SCN1A: variants seen among roughly 807,000 people sequenced by gnomAD.
SCN1A encodes sodium voltage-gated channel alpha subunit 1.
SCN1A carries 13 observed loss-of-function variants against 193.7 expected under a neutral mutation model. The ratio of observed to expected loss-of-function variants is 0.07; its 90% CI spans 0.04 to 0.11. SCN1A has a LOEUF of 0.11. Ranked by LOEUF, SCN1A falls within the 10% of genes least tolerant of loss-of-function variation. SCN1A has a pLI of 1.00. For missense variants in SCN1A, 1,432 were observed against 2,451.1 expected (o/e 0.58, Z 8.78); for synonymous variants, 781 against 843.6 (o/e 0.93, Z 1.29).
intron 2 of SCN1A, among the ~76,000 whole-genome samples, chr2:166,123,030 GAGA>G (rs891797774): frequency 3.3e-5 from 5 of 151,866 alleles, no homozygotes; most frequent in African/African-American, 7.3e-5. Context: ...ACATTTTCTA[GAGA>G]AGAACTACAG....
chr2:166,013,271 G>A lies in SCN1A; in HGVS notation c.3705+473C>T, dbSNP rs538370067. ...GTTACCAACTTTCATTATTTCTTAA[G>A]TAGCACAAAAATAGTGAGCACACAA... On this transcript the variant is annotated intron_variant, in intron 21 of 28. Transcript: ENST00000674923. Among the ~76,000 whole-genome samples the A allele has an allele frequency of 1.6e-4, 25 of 151,586 alleles. 1 individual carries two copies. The East Asian group carries it at 4.6e-3, about 28-fold the overall frequency.
intron 1 of SCN1A, among the ~76,000 whole-genome samples, chr2:166,144,548 G>A (rs922598771): frequency 7.3e-5 from 11 of 151,534 alleles, no homozygotes; most frequent in South Asian, 4.1e-4. Flanking sequence ...CATATGATAC[G>A]AATAAATGTA....
At chr2:166,077,035 G>A (rs758188165) in intron 3 of SCN1A, 7 of 151,644 alleles carry the variant, frequency 4.6e-5, no homozygotes, top group Non-Finnish European at 1.0e-4. Context: ...TTTGAGTTCT[G>A]GAATATTTCT....
rs551318474 is a variant in SCN1A, at chr2:165,988,762, G to A, written c.*2483C>T. On this transcript the variant is annotated 3_prime_UTR_variant, in exon 29 of 29. Transcript: ENST00000674923. ...ATGCAGAAGCAGAGAGAGTGGCTCT[G>A]GAGGAGCAAACACAGTATCCTACAC... is the stretch of plus-strand genomic sequence containing the variant. The A allele has an allele frequency of 6.6e-6, 1 of 152,244 alleles. No homozygotes were observed. Among genetic ancestry groups the A allele is most frequent in the South Asian group, 2.1e-4 (1 of 4,822 alleles). The allele number at this position is 152,244 out of a possible 1,614,324, so 9.4% of individuals were successfully genotyped here. A position where few individuals can be genotyped will look rare whatever the true frequency, so the allele number is the denominator to read the frequency against.
At chr2:166,083,003 C>A (rs1326639034) in intron 2 of SCN1A, among the ~76,000 whole-genome samples, 1 of 151,938 alleles carries the variant, frequency 6.6e-6, no homozygotes, top group Non-Finnish European at 1.5e-5. Flanking sequence ...GTGTTCTTGC[C>A]ACCTACTTTA....
chr2:166,065,500 A>ACAAGCCT (rs1359138413), intron 4 of SCN1A, among the ~76,000 whole-genome samples: 1 of 152,164 alleles, frequency 6.6e-6, no homozygotes, highest in East Asian at 1.9e-4. Context: ...ATAGCCTGTG[A>ACAAGCCT]GTTCAAGCCA....
chr2:166,027,932 C>T (rs1387198625), intron 19 of SCN1A, among the ~76,000 whole-genome samples: 2 of 152,034 alleles, frequency 1.3e-5, no homozygotes, highest in African/African-American at 4.8e-5. Context: ...TCAACATTTC[C>T]ACAGGGCAGC....
At position 166,009,766 on chromosome 2, in the gene SCN1A, T is replaced by C. The variant is rs1553529492; in HGVS notation, c.3955A>G (p.Arg1319Gly). 6.2e-7 allele frequency: 1 copy of C among 1,607,354 alleles called. No individual in the cohort carries two copies. The highest frequency in any genetic ancestry group is 8.5e-7 in the Non-Finnish European group (1 of 1,175,380). Reference sequence around the variant, plus strand: ...AAGGCTCTTAGAGGTCTCAGAGCTCTTAGTGTCCTGAGAGATTTGATGGCT... The same window carrying C: ...AAGGCTCTTAGAGGTCTCAGAGCTCCTAGTGTCCTGAGAGATTTGATGGCT... The part of the protein sequence containing the change: ...LGAIKSLRTL[R>G]ALRPLRALSR... Residue 1319 changes from arginine to glycine, a missense_variant, in exon 23 of 29, where the codon AGA (arginine) becomes GGA (glycine). Physicochemically the swap from Arg to Gly is moderately radical, Grantham distance 125. Coordinates refer to ENST00000674923, the MANE Select transcript of SCN1A (RefSeq NM_001165963.4).
At chr2:166,043,362 A>C (rs1006084002) in intron 14 of SCN1A, among the ~76,000 whole-genome samples, 10 of 152,212 alleles carry the variant, frequency 6.6e-5, no homozygotes, top group Non-Finnish European at 1.3e-4. Flanking sequence ...TTCATACCAG[A>C]GCCTTGGAGA....
At chr2:166,011,626 A>AT (rs1336033170) in intron 22 of SCN1A, among the ~76,000 whole-genome samples, 1 of 151,124 alleles carries the variant, frequency 6.6e-6, no homozygotes, top group African/African-American at 2.4e-5. Context: ...ATCAAATAGA[A>AT]TTTTTTTAAA....
chr2:166,066,826 C>A (rs554874737), intron 4 of SCN1A, among the ~76,000 whole-genome samples: 32 of 152,218 alleles, frequency 2.1e-4, no homozygotes, highest in African/African-American at 7.5e-4. Context: ...TAAAGTGGAC[C>A]ATGTTACTGC....
Position 166,012,297 on chromosome 2 carries a change from T to A in SCN1A, c.3706-15A>T, listed in dbSNP as rs1245238492. On this transcript the variant is annotated splice_polypyrimidine_tract_variant and intron_variant, in intron 21 of 28. Transcript: ENST00000674923. ...TCTTCAAATGCCTATAAAGAAAATG[T>A]TACACATTATTAGCTTTCAAAAATA... is the stretch of plus-strand genomic sequence containing the variant. 1 of 1,581,330 alleles carries A rather than the reference T, an allele frequency of 6.3e-7. No homozygotes were observed. Among genetic ancestry groups the A allele is most frequent in the Non-Finnish European group, 8.7e-7 (1 of 1,153,542 alleles).
intron 2 of SCN1A, among the ~76,000 whole-genome samples, chr2:166,107,081 G>C (rs1465074845): frequency 1.3e-5 from 2 of 151,874 alleles, no homozygotes; most frequent in Non-Finnish European, 2.9e-5. Context: ...CTTATTCTTT[G>C]CCCTTAACTA....
intron 1 of SCN1A, among the ~76,000 whole-genome samples, chr2:166,145,349 T>G (rs1315962150): frequency 6.6e-6 from 1 of 152,134 alleles, no homozygotes; most frequent in Non-Finnish European, 1.5e-5. Context: ...GATCATGTTT[T>G]TAAAATTACT....
At chr2:166,122,757 G>A (rs940229767) in intron 2 of SCN1A, among the ~76,000 whole-genome samples, 5 of 152,062 alleles carry the variant, frequency 3.3e-5, no homozygotes, top group African/African-American at 1.2e-4. Context: ...AAATGCAAGA[G>A]CTAAAATTAT....
rs78685888 is a variant in SCN1A, at chr2:166,029,858, A to C, written c.3429+6190T>G. On this transcript the variant is annotated intron_variant, in intron 19 of 28. Transcript: ENST00000674923. ...AAGGGGATGCTCCTTAAGCACAACT[A>C]TCACACTCTGGGAGACTAAGTGCTC... Among the ~76,000 whole-genome samples, 1,112 of 152,258 alleles carry C rather than the reference A, an allele frequency of 7.3e-3. 22 individuals carry two copies. The highest frequency in any genetic ancestry group is 0.026 in the African/African-American group (1,069 of 41,540).
intron 1 of SCN1A, among the ~76,000 whole-genome samples, chr2:166,140,473 G>T (rs1692035934): frequency 6.6e-6 from 1 of 152,216 alleles, no homozygotes; most frequent in South Asian, 2.1e-4. Flanking sequence ...GGGTGGGAGG[G>T]AGGCAAATGG....
At chr2:166,033,640 A>G (rs917207038) in intron 19 of SCN1A, among the ~76,000 whole-genome samples, 2 of 152,206 alleles carry the variant, frequency 1.3e-5, no homozygotes, top group Non-Finnish European at 1.5e-5. Flanking sequence ...AATTAATGCA[A>G]TGTTCCAAGA....
chr2:166,102,222 C>A (rs997302745), intron 2 of SCN1A, among the ~76,000 whole-genome samples: 1 of 152,178 alleles, frequency 6.6e-6, no homozygotes, highest in Non-Finnish European at 1.5e-5. Flanking sequence ...ATGGGCGGGG[C>A]GCGGTGACTC....
Sources: allele counts gnomAD v4.1 joint callset (sites outside exome capture counted in the v4.1 genomes callset), GRCh38; gene constraint gnomAD v4.1.1; transcripts MANE v1.5; gene names NCBI Gene and HGNC (gene_info 2026-07-23, HGNC 2026-07-21).